Variants in PCMTD2 observed in about 807,000 individuals in gnomAD.
The protein encoded by PCMTD2 is protein-L-isoaspartate (D-aspartate) O-methyltransferase domain containing 2.
In PCMTD2, 16 loss-of-function variants were observed where a neutral mutation model predicts 33.4. The ratio of observed to expected loss-of-function variants is 0.48; its 90% confidence interval spans 0.32 to 0.73. The LOEUF is 0.73. Ranked by LOEUF, PCMTD2 falls within the 30% of genes least tolerant of loss-of-function variation. The pLI is 0.03. For synonymous variants in PCMTD2, 161 were observed against 160.8 expected (o/e 1.00, Z -0.01); for missense variants, 374 against 449.9 (o/e 0.83, Z 1.53).
chr20:64,265,674 C>CCTTCTCTGTCTCTCTG, intron 4 of PCMTD2: 1 of 384,890 alleles, frequency 2.6e-6, no homozygotes, highest in Non-Finnish European at 4.6e-6. Context: ...CTGTCTCTCT[C>CCTTCTCTGTCTCTCTG]TTTTTCCTTC....
At chr20:64,260,452 G>T (rs1490014136) in intron 2 of PCMTD2, among the ~76,000 whole-genome samples, 180 bp downstream of exon 2, 1 of 152,202 alleles carries the variant, frequency 6.6e-6, no homozygotes, top group Non-Finnish European at 1.5e-5. Flanking sequence ...AGGCCTGCAT[G>T]CATCTCATGG....
At chr20:64,268,153 T>TAAACGTTGTTGTATAA in intron 5 of PCMTD2, 143 bp downstream of exon 5, 1 of 563,364 alleles carries the variant, frequency 1.8e-6, no homozygotes, top group Non-Finnish European at 3.1e-6. Flanking sequence ...CTACAAGCAA[T>TAAACGTTGTTGTATAA]TTCAGGCATT....
intron 1 of PCMTD2, 190 bp from the exon 2 acceptor site, chr20:64,259,752 A>G (rs1436951322): frequency 8.9e-6 from 5 of 559,122 alleles, no homozygotes; most frequent in Non-Finnish European, 1.6e-5. Flanking sequence ...TTAATTTCCA[A>G]TTGAACTGGG....
At chr20:64,266,631 G>A (rs1985671775) in intron 4 of PCMTD2, among the ~76,000 whole-genome samples, 1 of 152,172 alleles carries the variant, frequency 6.6e-6, no homozygotes, top group African/African-American at 2.4e-5. Flanking sequence ...TCAAGCAATT[G>A]CCTCACCTCA....
At chr20:64,262,592 T>G (rs998210420) in intron 2 of PCMTD2, 1 of 152,298 alleles carries the variant, frequency 6.6e-6, no homozygotes, top group Admixed American at 6.5e-5. Context: ...GAAACCTCAT[T>G]GGCTTCCCGG....
At chr20:64,261,653 C>T (rs1361519184) in intron 2 of PCMTD2, among the ~76,000 whole-genome samples, 3 of 151,676 alleles carry the variant, frequency 2.0e-5, no homozygotes, top group Admixed American at 6.6e-5. Context: ...GTTTTGAGAC[C>T]GATTATTTTG....
intron 3 of PCMTD2, 87 bp from the exon 4 acceptor site, chr20:64,265,171 A>AT: frequency 2.1e-6 from 2 of 935,642 alleles, no homozygotes; most frequent in Non-Finnish European, 3.2e-6. Flanking sequence ...TTGCTGTGGG[A>AT]TTTTAACCTG....
At chr20:64,267,002 C>G (rs1043840748) in intron 4 of PCMTD2, among the ~76,000 whole-genome samples, 4 of 152,132 alleles carry the variant, frequency 2.6e-5, no homozygotes, top group Admixed American at 2.0e-4. Flanking sequence ...TACGTGGCGA[C>G]TTAATCCTTT....
intron 5 of PCMTD2, chr20:64,272,216 G>A: frequency 2.0e-6 from 1 of 508,544 alleles, no homozygotes; most frequent in Non-Finnish European, 3.8e-6. Flanking sequence ...TTCTGTGCAG[G>A]CCTTTCTGAC....
At chr20:64,259,210 C>A (rs1985290260) in intron 1 of PCMTD2, among the ~76,000 whole-genome samples, 1 of 152,080 alleles carries the variant, frequency 6.6e-6, no homozygotes, top group African/African-American at 2.4e-5. Context: ...TGTCACAGTA[C>A]GTTCAATTTG....
At chr20:64,270,490 G>A (rs1985868616) in intron 5 of PCMTD2, among the ~76,000 whole-genome samples, 1 of 150,016 alleles carries the variant, frequency 6.7e-6, no homozygotes, top group Admixed American at 6.6e-5. Flanking sequence ...GGGCGTGCAT[G>A]GTGTGCAGTC....
chr20:64,264,413 T>C lies in PCMTD2; in HGVS notation c.308-16T>C, dbSNP rs1447261398. The C allele has an allele frequency of 3.1e-6, 4 of 1,300,768 alleles. No individual in the cohort carries two copies. Among genetic ancestry groups the C allele is most frequent in the Non-Finnish European group, 3.4e-6 (3 of 894,490 alleles). 80.6% of individuals were successfully genotyped at this position (1,300,768 alleles called of 1,614,324 possible). ...TACTCTGGTTCTACATGTTTTCTTA[T>C]TCTTAAACCTTTTAGGTCCTTTTGG... On this transcript the variant is annotated splice_polypyrimidine_tract_variant and intron_variant, in intron 2 of 5. Transcript: ENST00000308824.
At chr20:64,269,975 T>G (rs1420088141) in intron 5 of PCMTD2, among the ~76,000 whole-genome samples, 3 of 141,946 alleles carry the variant, frequency 2.1e-5, no homozygotes, top group East Asian at 2.2e-4. Context: ...CGGTGTGGGG[T>G]CCTGTGAGTG....
intron 4 of PCMTD2, among the ~76,000 whole-genome samples, chr20:64,267,027 A>G (rs1279533679): frequency 6.6e-6 from 1 of 152,202 alleles, no homozygotes; most frequent in Non-Finnish European, 1.5e-5. Flanking sequence ...TATAAGATTC[A>G]TGACATAGAA....
chr20:64,266,856 T>C (rs916088687), intron 4 of PCMTD2, among the ~76,000 whole-genome samples: 2 of 152,266 alleles, frequency 1.3e-5, no homozygotes, highest in African/African-American at 4.8e-5. Context: ...TATATAGTTT[T>C]ATTTAAGGTT....
At chr20:64,257,840 TCC>T (rs1440413957) in intron 1 of PCMTD2, among the ~76,000 whole-genome samples, 6 of 152,218 alleles carry the variant, frequency 3.9e-5, no homozygotes, top group African/African-American at 1.4e-4. Context: ...TGCAGCCCCC[TCC>T]TCACAAACTG....
At position 64,260,280 on chromosome 20, in the gene PCMTD2, T is replaced by A; in HGVS notation, c.307+8T>A. 1 of 1,587,358 alleles carries A rather than the reference T, an allele frequency of 6.3e-7. No homozygotes were observed. Among genetic ancestry groups the A allele is most frequent in the East Asian group, 2.2e-5 (1 of 44,646 alleles). ...TGGTGGGCCTCATTCTAGGTAAGTGTGGAAGGAGAGTCTGAAAACTCATCT... is the reference window on the plus strand; with the variant it reads ...TGGTGGGCCTCATTCTAGGTAAGTGAGGAAGGAGAGTCTGAAAACTCATCT... On this transcript the variant is annotated splice_region_variant and intron_variant, in intron 2 of 5. Coordinates refer to ENST00000308824, the MANE Select transcript of PCMTD2 (RefSeq NM_018257.3).
chr20:64,269,828 G>A (rs1346777426), intron 5 of PCMTD2, among the ~76,000 whole-genome samples: 1 of 141,086 alleles, frequency 7.1e-6, no homozygotes, highest in Non-Finnish European at 1.5e-5. Flanking sequence ...GTGGGCACGC[G>A]TGGTGTGGGG....
In PCMTD2 at chr20:64,275,380, A is replaced by G. The variant is rs575862086; in HGVS notation, c.*1780A>G. 1.4e-4 allele frequency: 21 copies of G among 152,270 alleles called. No individual in the cohort carries two copies. The South Asian group carries it at 4.1e-3, about 30-fold the overall frequency. 9.4% of individuals were successfully genotyped at this position (152,270 alleles called of 1,614,324 possible). A position where few individuals can be genotyped will look rare whatever the true frequency, so the allele number is the denominator to read the frequency against. On this transcript the variant is annotated 3_prime_UTR_variant, in exon 6 of 6. Coordinates refer to ENST00000308824, the MANE Select transcript of PCMTD2 (RefSeq NM_018257.3). ...GAGTGCTATCTGTGAAATTGGTTAT[A>G]TTAGGTGGCTTGACTAATGTTTTTT...
Sources: allele counts gnomAD v4.1 joint callset (sites outside exome capture counted in the v4.1 genomes callset), GRCh38; gene constraint gnomAD v4.1.1; transcripts MANE v1.5; gene names NCBI Gene and HGNC (gene_info 2026-07-23, HGNC 2026-07-21).